The following CNTN4 variants were observed in gnomAD, a reference collection of about 807,000 sequenced individuals.
CNTN4 encodes the protein contactin-4.
Under a neutral mutation model 122.5 loss-of-function variants are expected in CNTN4, and 77 were observed. The observed-to-expected ratio is 0.63, with a 90% CI of 0.52 to 0.76. The LOEUF is 0.76. CNTN4 is among the 30% of genes least tolerant of loss of function. The pLI is 0.00. For synonymous variants in CNTN4, 512 were observed against 447.0 expected (o/e 1.15, Z -1.83); for missense variants, 1,256 against 1,259.1 (o/e 1.00, Z 0.04).
At chr3:2,352,514 C>A (rs2044672434) in intron 3 of CNTN4, among the ~76,000 whole-genome samples, 1 of 152,214 alleles carries the variant, frequency 6.6e-6, no homozygotes, top group Non-Finnish European at 1.5e-5. Flanking sequence ...CAGCCCCTGG[C>A]AGCGAGAGGC....
intron 12 of CNTN4, among the ~76,000 whole-genome samples, chr3:2,915,433 A>G (rs531654086): frequency 6.6e-6 from 1 of 152,352 alleles, no homozygotes; most frequent in African/African-American, 2.4e-5. Context: ...CAACCTAATG[A>G]AAGCCTTATA....
intron 12 of CNTN4, among the ~76,000 whole-genome samples, chr3:2,920,050 C>T (rs1390359912): frequency 6.6e-6 from 1 of 151,988 alleles, no homozygotes; most frequent in Non-Finnish European, 1.5e-5. Flanking sequence ...TGAAATGGCT[C>T]CCGTGCTCAA....
intron 6 of CNTN4, among the ~76,000 whole-genome samples, chr3:2,783,440 C>G (rs947141836): frequency 4.6e-5 from 7 of 152,208 alleles, no homozygotes; most frequent in Non-Finnish European, 1.0e-4. Flanking sequence ...CAGGGTGTCT[C>G]TCCTTTATCT....
intron 2 of CNTN4, among the ~76,000 whole-genome samples, chr3:2,253,403 G>C (rs1289354105): frequency 6.6e-6 from 1 of 151,522 alleles, no homozygotes; most frequent in African/African-American, 2.4e-5. Context: ...GAATTAAAAA[G>C]TTGTAACACA....
rs1393573209 is a variant in CNTN4, at chr3:3,043,155, G to A, written c.2690G>A (p.Arg897Gln). Residue 897 changes from arginine to glutamine, a missense_variant, in exon 22 of 25, where the codon CGA becomes CAA. By Grantham distance (43) the Arg-to-Gln change is conservative (BLOSUM62 1). Coordinates refer to ENST00000418658, the MANE Select transcript of CNTN4 (RefSeq NM_175607.3). ...AGTGCAACAGTCAATGTGACAACCC[G>A]AAAGCCACGTAAGAACAGACTTGCT... ...PSSATVNVTT[R>Q]KPPPSQPPGN... The A allele has an allele frequency of 6.2e-6, 10 of 1,613,918 alleles. No homozygotes were observed. The highest frequency in any genetic ancestry group is 2.2e-5 in the South Asian group (2 of 91,078).
chr3:2,510,639 T>G (rs2076859802), intron 3 of CNTN4, among the ~76,000 whole-genome samples: 1 of 152,158 alleles, frequency 6.6e-6, no homozygotes. Flanking sequence ...CAAATTTACA[T>G]AAACAAATGT....
intron 13 of CNTN4, among the ~76,000 whole-genome samples, chr3:2,979,979 A>G (rs344386): frequency 0.53 from 81,116 of 151,982 alleles, 24,142 homozygotes; most frequent in African/African-American, 0.82. Context: ...GGCAGCTTTC[A>G]TCATGTGTTA....
chr3:2,458,937 A>G (rs1421678053), intron 3 of CNTN4, among the ~76,000 whole-genome samples: 1 of 152,166 alleles, frequency 6.6e-6, no homozygotes, highest in Non-Finnish European at 1.5e-5. Flanking sequence ...TAGACTGTAC[A>G]ATTCTTCCTT....
In CNTN4 at chr3:3,025,699, T is replaced by C. The variant is rs144596503; in HGVS notation, c.1487-403T>C. 2.7e-3 allele frequency among the ~76,000 whole-genome samples: 409 copies of C among 152,292 alleles called. 3 individuals carry two copies. Among genetic ancestry groups the C allele is most frequent in the African/African-American group, 9.4e-3 (389 of 41,556 alleles). On this transcript the variant is annotated intron_variant, in intron 14 of 24. Coordinates refer to ENST00000418658, the MANE Select transcript of CNTN4 (RefSeq NM_175607.3). ...ATAGAAAAAAAGAGCCTAACAAACT[T>C]CAAATCAACATGGATTTTTCCTGTT...
chr3:2,582,189 G>A (rs990554954), intron 4 of CNTN4, among the ~76,000 whole-genome samples: 3 of 152,066 alleles, frequency 2.0e-5, no homozygotes, highest in Non-Finnish European at 4.4e-5. Flanking sequence ...ATTCTGAGGA[G>A]AAAAAAAGTA....
chr3:2,915,304 G>A (rs1328198354), intron 12 of CNTN4, among the ~76,000 whole-genome samples: 1 of 152,178 alleles, frequency 6.6e-6, no homozygotes, highest in Non-Finnish European at 1.5e-5. Flanking sequence ...GACCTCAAGT[G>A]ATCCTCCTGC....
intron 3 of CNTN4, among the ~76,000 whole-genome samples, chr3:2,480,704 G>T (rs1337965482): frequency 6.6e-6 from 1 of 152,210 alleles, no homozygotes; most frequent in African/African-American, 2.4e-5. Flanking sequence ...TAGATTCGAT[G>T]CAGTCCCAAT....
intron 6 of CNTN4, among the ~76,000 whole-genome samples, chr3:2,753,881 A>G (rs954049942): frequency 2.0e-5 from 3 of 152,218 alleles, no homozygotes; most frequent in Non-Finnish European, 4.4e-5. Context: ...ATGACTATAC[A>G]TAAATTTGTG....
rs17025200 is a variant in CNTN4, at chr3:3,040,291, G to C, written c.2398+20G>C. On this transcript the variant is annotated intron_variant, in intron 20 of 24. Coordinates refer to ENST00000418658, the MANE Select transcript of CNTN4 (RefSeq NM_175607.3). The stretch of plus-strand genomic sequence containing the variant: ...AAGAAGGTATCGTTTATGCTGCCTA[G>C]ATCATTGACTGTTAATATTTCTTCA... 3.0e-3 allele frequency: 4,534 copies of C among 1,513,244 alleles called. 106 individuals carry two copies. The African/African-American group carries it at 0.052, about 17-fold the overall frequency. 93.7% of individuals were successfully genotyped at this position (1,513,244 alleles called of 1,614,324 possible). A position where few individuals can be genotyped will look rare whatever the true frequency, so the allele number is the denominator to read the frequency against.
intron 4 of CNTN4, among the ~76,000 whole-genome samples, chr3:2,592,689 G>C (rs556615897): frequency 3.9e-5 from 6 of 152,290 alleles, no homozygotes; most frequent in African/African-American, 1.4e-4. Context: ...AGAACTGTAA[G>C]TCCATTAAAC....
intron 2 of CNTN4, among the ~76,000 whole-genome samples, chr3:2,163,919 C>T (rs1000024446): frequency 2.0e-4 from 31 of 152,250 alleles, no homozygotes; most frequent in African/African-American, 7.2e-4. Flanking sequence ...AGTACAACCA[C>T]TGTGGAAAAC....
At chr3:2,600,008 CTTTTT>C (rs71058630) in intron 4 of CNTN4, among the ~76,000 whole-genome samples, 2 of 41,758 alleles carry the variant, frequency 4.8e-5, no homozygotes, top group Non-Finnish European at 8.0e-5. Flanking sequence ...TGGAATTCTT[CTTTTT>C]TTTTTTTTTT....
intron 12 of CNTN4, among the ~76,000 whole-genome samples, chr3:2,917,104 A>T (rs1156636780): frequency 7.4e-6 from 1 of 135,232 alleles, no homozygotes; most frequent in Non-Finnish European, 1.6e-5. Context: ...GCTGGAGACC[A>T]GCCCGGCCAA....
intron 13 of CNTN4, among the ~76,000 whole-genome samples, chr3:2,951,449 A>G (rs1559710209): frequency 2.6e-5 from 4 of 152,188 alleles, no homozygotes; most frequent in Non-Finnish European, 5.9e-5. Context: ...ATGCTTGCTC[A>G]CAGGCTCTCA....
Sources: allele counts gnomAD v4.1 joint callset (sites outside exome capture counted in the v4.1 genomes callset), GRCh38; gene constraint gnomAD v4.1.1; transcripts MANE v1.5; gene names NCBI Gene and HGNC (gene_info 2026-07-23, HGNC 2026-07-21).